Variants in ATP6V0E1 observed in about 807,000 individuals in gnomAD.
ATP6V0E1 encodes ATPase H+ transporting V0 subunit e1.
ATP6V0E1 carries 4 observed loss-of-function variants against 11.6 expected under a neutral mutation model. That is an observed-to-expected ratio of 0.35 (90% CI 0.17 to 0.79). The LOEUF (loss-of-function observed/expected upper bound fraction) is 0.79. ATP6V0E1 is among the 30% of genes least tolerant of loss of function. ATP6V0E1 has a pLI of 0.54. For synonymous variants in ATP6V0E1, 36 were observed against 34.8 expected (o/e 1.04, Z -0.13); for missense variants, 105 against 100.0 (o/e 1.05, Z -0.21).
chr5:172,985,172 G>T (rs1303726649), intron 1 of ATP6V0E1, among the ~76,000 whole-genome samples: 6 of 151,212 alleles, frequency 4.0e-5, no homozygotes, highest in African/African-American at 1.5e-4. Flanking sequence ...GTGAACCCAG[G>T]AGGCAGAGCT....
chr5:173,015,645 G>C (rs925869116), intron 2 of ATP6V0E1, among the ~76,000 whole-genome samples: 1 of 152,156 alleles, frequency 6.6e-6, no homozygotes, highest in Non-Finnish European at 1.5e-5. Context: ...CCTGGAGGCT[G>C]GTGTTCCCAG....
At chr5:172,998,190 C>CTTTTTTTTT (rs999790390) in intron 2 of ATP6V0E1, among the ~76,000 whole-genome samples, 4 of 104,884 alleles carry the variant, frequency 3.8e-5, no homozygotes, top group African/African-American at 7.5e-5. Context: ...AAAATTTAGT[C>CTTTTTTTTT]TTTTTTTTTT....
intron 3 of ATP6V0E1, among the ~76,000 whole-genome samples, chr5:173,030,683 C>A (rs939396036): frequency 6.6e-6 from 1 of 151,678 alleles, no homozygotes; most frequent in Non-Finnish European, 1.5e-5. Flanking sequence ...TCAGGTGATC[C>A]GCCCCGCCTC....
At chr5:173,019,737 A>G (rs145350965) in intron 2 of ATP6V0E1, among the ~76,000 whole-genome samples, 65 of 152,310 alleles carry the variant, frequency 4.3e-4, no homozygotes, top group Non-Finnish European at 7.8e-4. Flanking sequence ...GGGATTAGAA[A>G]AGGGGACCTT....
chr5:173,018,994 T>A (rs1464296808), intron 2 of ATP6V0E1, among the ~76,000 whole-genome samples: 1 of 152,144 alleles, frequency 6.6e-6, no homozygotes, highest in African/African-American at 2.4e-5. Flanking sequence ...CTCACTCTGT[T>A]GCCCAGGCTG....
intron 1 of ATP6V0E1, among the ~76,000 whole-genome samples, chr5:172,990,149 T>C (rs974223613): frequency 1.3e-5 from 2 of 152,116 alleles, no homozygotes; most frequent in South Asian, 2.1e-4. Flanking sequence ...GAAAAACTTA[T>C]GAATCTTTTC....
chr5:173,020,214 G>A (rs747699503), intron 2 of ATP6V0E1, 24 bp from the exon 3 acceptor site: 1 of 1,579,038 alleles, frequency 6.3e-7, no homozygotes, highest in African/African-American at 1.3e-5. Flanking sequence ...CCGCTTCGTT[G>A]TTTCTCTCCC....
At chr5:173,034,172 G>A in intron 3 of ATP6V0E1, among the ~76,000 whole-genome samples, 1 of 152,364 alleles carries the variant, frequency 6.6e-6, no homozygotes, top group East Asian at 1.9e-4. Flanking sequence ...GTAACATAGA[G>A]TGTTACTTGT....
At chr5:172,987,838 G>A (rs1755919468) in intron 1 of ATP6V0E1, among the ~76,000 whole-genome samples, 1 of 151,862 alleles carries the variant, frequency 6.6e-6, no homozygotes, top group Non-Finnish European at 1.5e-5. Context: ...CTCAGCCTCT[G>A]CACTAGCTAG....
At chr5:173,030,899 C>T (rs539227437) in intron 3 of ATP6V0E1, among the ~76,000 whole-genome samples, 1 of 151,744 alleles carries the variant, frequency 6.6e-6, no homozygotes, top group South Asian at 2.1e-4. Flanking sequence ...CAGGCATGCA[C>T]CACCATGCTT....
intron 2 of ATP6V0E1, among the ~76,000 whole-genome samples, chr5:173,007,475 C>T (rs1329820744): frequency 6.6e-6 from 1 of 152,236 alleles, no homozygotes; most frequent in Admixed American, 6.5e-5. Flanking sequence ...AGAGAATCTC[C>T]TTTGTGTCAA....
At chr5:172,988,276 C>T (rs1389366556) in intron 1 of ATP6V0E1, among the ~76,000 whole-genome samples, 1 of 152,166 alleles carries the variant, frequency 6.6e-6, no homozygotes, top group Non-Finnish European at 1.5e-5. Context: ...TTATCTGGGT[C>T]CAGTTCACAG....
At chr5:172,996,910 A>G (rs1430000848) in intron 2 of ATP6V0E1, among the ~76,000 whole-genome samples, 2 of 151,830 alleles carry the variant, frequency 1.3e-5, no homozygotes, top group Non-Finnish European at 2.9e-5. Flanking sequence ...AGAAGGCACA[A>G]CAATTTTGCT....
chr5:173,027,851 G>A (rs560546606), intron 3 of ATP6V0E1, among the ~76,000 whole-genome samples: 22 of 152,236 alleles, frequency 1.4e-4, no homozygotes, highest in African/African-American at 4.6e-4. Flanking sequence ...GTTGATTGGG[G>A]TTCAAAGCTG....
At chr5:173,023,599 C>T (rs1756515494) in intron 3 of ATP6V0E1, among the ~76,000 whole-genome samples, 1 of 152,216 alleles carries the variant, frequency 6.6e-6, no homozygotes, top group Non-Finnish European at 1.5e-5. Flanking sequence ...AATCCCACTA[C>T]TTTGGGATGC....
chr5:172,996,856 T>G (rs1462464928), intron 2 of ATP6V0E1, among the ~76,000 whole-genome samples: 2 of 152,050 alleles, frequency 1.3e-5, no homozygotes, highest in African/African-American at 4.8e-5. Context: ...TTTAAAAAAT[T>G]ACTTTTCTTT....
At chr5:173,018,882 G>A (rs975750245) in intron 2 of ATP6V0E1, among the ~76,000 whole-genome samples, 17 of 152,084 alleles carry the variant, frequency 1.1e-4, no homozygotes, top group South Asian at 4.1e-4. Context: ...ATGAATTACC[G>A]TATCATATAT....
chr5:172,995,530 T>C (rs1480661075), intron 2 of ATP6V0E1, among the ~76,000 whole-genome samples: 1 of 152,204 alleles, frequency 6.6e-6, no homozygotes, highest in African/African-American at 2.4e-5. Context: ...TATAACCAAG[T>C]AGACTAAGGA....
chr5:173,021,992 G>A (rs899354085), intron 3 of ATP6V0E1, among the ~76,000 whole-genome samples: 12 of 152,134 alleles, frequency 7.9e-5, no homozygotes, highest in African/African-American at 2.2e-4. Flanking sequence ...GCGAGATCGC[G>A]CCACTGCACT....
Sources: allele counts gnomAD v4.1 joint callset (sites outside exome capture counted in the v4.1 genomes callset), GRCh38; gene constraint gnomAD v4.1.1; transcripts MANE v1.5; gene names NCBI Gene and HGNC (gene_info 2026-07-23, HGNC 2026-07-21).